ENPP6: variants seen among roughly 807,000 people sequenced by gnomAD.
ENPP6 encodes ectonucleotide pyrophosphatase/phosphodiesterase 6, also known as glycerophosphocholine cholinephosphodiesterase ENPP6.
ENPP6 carries 32 observed loss-of-function variants against 42.0 expected under a neutral mutation model. The ratio of observed to expected loss-of-function variants is 0.76; its 90% CI spans 0.58 to 1.02. ENPP6 has a LOEUF of 1.02. Ranked by LOEUF, ENPP6 falls within the 50% of genes least tolerant of loss-of-function variation. ENPP6 has a pLI of 0.00. For synonymous variants in ENPP6, 213 were observed against 216.0 expected (o/e 0.99, Z 0.12); for missense variants, 552 against 566.8 (o/e 0.97, Z 0.27).
At chr4:184,137,790 C>T (rs952306773) in intron 2 of ENPP6, among the ~76,000 whole-genome samples, 9 of 152,124 alleles carry the variant, frequency 5.9e-5, no homozygotes, top group Admixed American at 2.6e-4. Flanking sequence ...AATTTTTGTC[C>T]TTTCCCCTAA....
At chr4:184,165,430 G>A (rs561088567) in intron 1 of ENPP6, among the ~76,000 whole-genome samples, 28 of 152,208 alleles carry the variant, frequency 1.8e-4, no homozygotes, top group South Asian at 6.2e-4. Flanking sequence ...GCCCTCCCCC[G>A]CACCAGCACC....
chr4:184,141,680 T>G (rs974831384), intron 2 of ENPP6, among the ~76,000 whole-genome samples: 3 of 152,170 alleles, frequency 2.0e-5, no homozygotes, highest in African/African-American at 7.2e-5. Flanking sequence ...GGCAGTCTTC[T>G]ACATCCTGAT....
At chr4:184,109,830 T>C (rs1457679036) in intron 6 of ENPP6, among the ~76,000 whole-genome samples, 1 of 150,164 alleles carries the variant, frequency 6.7e-6, no homozygotes, top group African/African-American at 2.5e-5. Context: ...GTCTCACTTC[T>C]GATTTATTCA....
At chr4:184,101,905 G>A (rs1736010107) in intron 6 of ENPP6, among the ~76,000 whole-genome samples, 2 of 152,214 alleles carry the variant, frequency 1.3e-5, no homozygotes, top group Non-Finnish European at 2.9e-5. Flanking sequence ...ACACCAGGAC[G>A]CGCGGTGAGA....
In ENPP6 at chr4:184,161,106, C is replaced by A. The variant is rs1737250385; in HGVS notation, c.242-7373G>T. ...CAAAGGAAATGGCAGAGTAAACAGA[C>A]AACCCACAGACTGGGAGAAAATCTT... On this transcript the variant is annotated intron_variant, in intron 1 of 7. Transcript: ENST00000296741. 2.6e-5 allele frequency among the ~76,000 whole-genome samples: 4 copies of A among 152,076 alleles called. 1 individual carries two copies. In the South Asian group the frequency reaches 6.2e-4, roughly 24 times the overall value.
intron 2 of ENPP6, among the ~76,000 whole-genome samples, chr4:184,152,010 T>C (rs1737058842): frequency 6.6e-6 from 1 of 152,240 alleles, no homozygotes; most frequent in Non-Finnish European, 1.5e-5. Context: ...CTTAGGTGTC[T>C]TCTGAAGAAA....
intron 1 of ENPP6, among the ~76,000 whole-genome samples, chr4:184,171,084 A>G (rs28528708): frequency 0.049 from 7,502 of 152,294 alleles, 566 homozygotes; most frequent in African/African-American, 0.17. Context: ...TCATGTATTC[A>G]GCTCACAAAT....
rs1287715043 is a variant in ENPP6 at position 184,088,789 on chromosome 4, T to C, written c.*2388A>G. On this transcript the variant is annotated 3_prime_UTR_variant, in exon 8 of 8. Transcript: ENST00000296741. ...GTTTACCAGGATTCATGATTCCTTTTGTAACTTGTTCTCAGTCATTTATTC... is the reference window on the plus strand; with the variant it reads ...GTTTACCAGGATTCATGATTCCTTTCGTAACTTGTTCTCAGTCATTTATTC... The C allele has an allele frequency of 6.6e-6, 1 of 152,242 alleles. No individual in the cohort carries two copies. Among genetic ancestry groups the C allele is most frequent in the Non-Finnish European group, 1.5e-5 (1 of 68,038 alleles). 9.4% of individuals were successfully genotyped at this position (152,242 alleles called of 1,614,324 possible).
intron 7 of ENPP6, among the ~76,000 whole-genome samples, chr4:184,094,496 A>G (rs1735863550): frequency 6.6e-6 from 1 of 152,282 alleles, no homozygotes; most frequent in Non-Finnish European, 1.5e-5. Context: ...GGCTCAGTGC[A>G]GAAATAATCC....
At chr4:184,117,086 C>A (rs746638410) in intron 4 of ENPP6, 51 bp from the exon 5 acceptor site, 2 of 1,600,220 alleles carry the variant, frequency 1.2e-6, no homozygotes, top group African/African-American at 1.3e-5. Context: ...GAGGCTCGTG[C>A]ACTCAGAAAA....
intron 1 of ENPP6, among the ~76,000 whole-genome samples, chr4:184,195,501 C>T (rs927943186): frequency 2.0e-5 from 3 of 152,216 alleles, no homozygotes; most frequent in African/African-American, 7.2e-5. Context: ...TAAGTACATT[C>T]ACACTGCTGT....
intron 5 of ENPP6, among the ~76,000 whole-genome samples, chr4:184,114,495 G>A (rs1736281918): frequency 6.6e-6 from 1 of 152,196 alleles, no homozygotes; most frequent in Admixed American, 6.5e-5. Context: ...CTTAAGGAAA[G>A]GAGGATGCAT....
chr4:184,114,821 C>T (rs540955688), intron 5 of ENPP6, among the ~76,000 whole-genome samples: 1 of 151,992 alleles, frequency 6.6e-6, no homozygotes, highest in African/African-American at 2.4e-5. Flanking sequence ...CAAGAACCTG[C>T]CAATGTGTAA....
intron 2 of ENPP6, among the ~76,000 whole-genome samples, chr4:184,144,515 C>G (rs769181968): frequency 6.6e-6 from 1 of 152,238 alleles, no homozygotes; most frequent in Non-Finnish European, 1.5e-5. Context: ...CGGGGGCAGC[C>G]TTTCCCCTGG....
chr4:184,101,340 GTGTGTGTGTGTA>G (rs1320528186), intron 6 of ENPP6, among the ~76,000 whole-genome samples: 129 of 112,490 alleles, frequency 1.1e-3, no homozygotes, highest in African/African-American at 4.7e-3. Context: ...GTGTGTGTGT[GTGTGTGTGTGTA>G]GCACTGGGGT....
intron 6 of ENPP6, among the ~76,000 whole-genome samples, chr4:184,103,803 C>G (rs1380314637): frequency 6.6e-6 from 1 of 152,192 alleles, no homozygotes; most frequent in Non-Finnish European, 1.5e-5. Flanking sequence ...AACCATTTCC[C>G]TTTCTCTGTC....
At chr4:184,146,703 A>G (rs905411632) in intron 2 of ENPP6, among the ~76,000 whole-genome samples, 1 of 152,168 alleles carries the variant, frequency 6.6e-6, no homozygotes. Context: ...GTTGTCAAGT[A>G]GTGTCACTGT....
chr4:184,149,279 GCCTGACTGAAGGTTGTCAAGGACCTA>G (rs1314166533), intron 2 of ENPP6, among the ~76,000 whole-genome samples: 1 of 152,214 alleles, frequency 6.6e-6, no homozygotes, highest in Non-Finnish European at 1.5e-5. Context: ...TCTAAGGTCA[GCCTGACTGAAGGTTGTCAAGGACCTA>G]CCATGGCAGG....
At chr4:184,117,672 G>A in intron 4 of ENPP6, 87 bp downstream of exon 4, 1 of 1,567,300 alleles carries the variant, frequency 6.4e-7, no homozygotes, top group Non-Finnish European at 8.7e-7. Flanking sequence ...GCAGTAAGAG[G>A]GAAGATGTTG....
Sources: allele counts gnomAD v4.1 joint callset (sites outside exome capture counted in the v4.1 genomes callset), GRCh38; gene constraint gnomAD v4.1.1; transcripts MANE v1.5; gene names NCBI Gene and HGNC (gene_info 2026-07-23, HGNC 2026-07-21).